The following PCDH15 variants were observed in gnomAD, a reference collection of about 807,000 sequenced individuals.
PCDH15 encodes the protein protocadherin related 15, also known as protocadherin-15.
PCDH15 carries 129 observed loss-of-function variants against 178.5 expected under a neutral mutation model. The ratio of observed to expected loss-of-function variants is 0.72; its 90% CI spans 0.63 to 0.84. The LOEUF is 0.84. Ranked by LOEUF, PCDH15 falls within the 40% of genes least tolerant of loss-of-function variation. The probability of loss-of-function intolerance (pLI) is 0.00; values close to 1 mark genes in which losing one functional copy is unlikely to be tolerated. For missense variants in PCDH15, 2,230 were observed against 2,099.9 expected, an observed-to-expected ratio of 1.06 and a Z score of -1.21; for synonymous variants, 800 against 732.0, an observed-to-expected ratio of 1.09 and a Z score of -1.50.
intron 2 of PCDH15, among the ~76,000 whole-genome samples, chr10:54,603,046 T>G (rs146614860): frequency 0.011 from 1,616 of 152,146 alleles, 22 homozygotes; most frequent in African/African-American, 0.037. Context: ...CTTTGAATGT[T>G]TGCTGGAATT....
intron 1 of PCDH15, among the ~76,000 whole-genome samples, chr10:55,199,301 G>C (rs1009245211): frequency 1.4e-4 from 21 of 152,230 alleles, no homozygotes; most frequent in Admixed American, 1.4e-3. Context: ...CTTTAGCAAA[G>C]AGATTGGTGG....
chr10:53,996,121 T>A (rs927162240), intron 20 of PCDH15, among the ~76,000 whole-genome samples: 1 of 152,164 alleles, frequency 6.6e-6, no homozygotes, highest in Non-Finnish European at 1.5e-5. Context: ...AAAAGCTACA[T>A]TCTGTGAAGC....
At chr10:55,338,796 A>C (rs893390579) in intron 2 of PCDH15, among the ~76,000 whole-genome samples, 11 of 152,118 alleles carry the variant, frequency 7.2e-5, no homozygotes, top group Admixed American at 6.6e-4. Flanking sequence ...ACAAAACAAA[A>C]AAACAAACAA....
In PCDH15 at chr10:55,330,838, A is replaced by ATGTGTGTGTG. The variant is rs71461291; in HGVS notation, c.-155-164197_-155-164188dup. On this transcript the variant is annotated intron_variant, in intron 2 of 5. Transcript: ENST00000613346. ...CTCTCTTAAATAGATAGATTTATTTATGTGTGTGTGTGTGTGTGTGTGTGT... is the reference window on the plus strand; with the variant it reads ...CTCTCTTAAATAGATAGATTTATTTATGTGTGTGTGTGTGTGTGTGTGTGTGTGTGTGTGT... Among the ~76,000 whole-genome samples the ATGTGTGTGTG allele has an allele frequency of 5.9e-3, 850 of 144,690 alleles. 6 individuals carry two copies. The highest frequency in any genetic ancestry group is 0.02 in the African/African-American group (799 of 39,708). The allele number at this position is 144,690 out of a possible 152,430, so 94.9% of individuals were successfully genotyped here.
At chr10:55,411,969 A>G (rs1021962787) in intron 2 of PCDH15, among the ~76,000 whole-genome samples, 1 of 152,100 alleles carries the variant, frequency 6.6e-6, no homozygotes, top group Non-Finnish European at 1.5e-5. Flanking sequence ...GTGAAATCCC[A>G]GTGGGAATGA....
At chr10:54,265,269 A>T (rs1226993726) in intron 8 of PCDH15, among the ~76,000 whole-genome samples, 5 of 152,126 alleles carry the variant, frequency 3.3e-5, no homozygotes, top group Non-Finnish European at 5.9e-5. Context: ...GGAGTTCTAA[A>T]TGTGGATGTG....
chr10:54,240,691 GC>G (rs1195202894), intron 8 of PCDH15, among the ~76,000 whole-genome samples: 2 of 143,044 alleles, frequency 1.4e-5, no homozygotes, highest in Non-Finnish European at 3.0e-5. Context: ...GAGTGCAGTG[GC>G]GCGATCCCGG....
intron 2 of PCDH15, among the ~76,000 whole-genome samples, chr10:54,953,302 G>C (rs1007701580): frequency 1.3e-5 from 2 of 151,250 alleles, no homozygotes; most frequent in African/African-American, 2.4e-5. Flanking sequence ...TTCTATAGCT[G>C]TTGATGTGAT....
intron 2 of PCDH15, among the ~76,000 whole-genome samples, chr10:54,980,608 T>C (rs1839207487): frequency 6.6e-6 from 1 of 152,132 alleles, no homozygotes; most frequent in Non-Finnish European, 1.5e-5. Flanking sequence ...TATGTGGTAG[T>C]ATATTGATAC....
At chr10:54,231,278 G>A (rs1212332993) in intron 9 of PCDH15, among the ~76,000 whole-genome samples, 1 of 152,214 alleles carries the variant, frequency 6.6e-6, no homozygotes, top group Non-Finnish European at 1.5e-5. Context: ...ATATGCCTCA[G>A]GCCTCTGCTT....
At chr10:54,249,275 AT>A (rs1301629308) in intron 8 of PCDH15, among the ~76,000 whole-genome samples, 1 of 152,066 alleles carries the variant, frequency 6.6e-6, no homozygotes, top group Admixed American at 6.6e-5. Flanking sequence ...TCAAAAACCT[AT>A]TTTTGCAATA....
At chr10:55,105,164 T>A (rs957836681) in intron 2 of PCDH15, among the ~76,000 whole-genome samples, 2 of 152,236 alleles carry the variant, frequency 1.3e-5, no homozygotes, top group Admixed American at 1.3e-4. Flanking sequence ...TAACTTTTTA[T>A]AATAGATTTG....
intron 18 of PCDH15, among the ~76,000 whole-genome samples, chr10:54,029,688 T>C (rs2093233286): frequency 1.3e-5 from 2 of 152,212 alleles, no homozygotes; most frequent in East Asian, 3.8e-4. Flanking sequence ...GTATAATTTT[T>C]GAGAAGCGAT....
At chr10:55,108,264 T>C (rs1837407401) in intron 2 of PCDH15, among the ~76,000 whole-genome samples, 3 of 152,184 alleles carry the variant, frequency 2.0e-5, no homozygotes. Flanking sequence ...AGAGAACTTC[T>C]GAATAAATTA....
chr10:54,414,363 G>A (rs1954009563), intron 3 of PCDH15, among the ~76,000 whole-genome samples: 1 of 151,952 alleles, frequency 6.6e-6, no homozygotes, highest in Admixed American at 6.6e-5. Flanking sequence ...TTTGGACCTG[G>A]CATGTTTACA....
chr10:54,587,167 G>GTC lies in PCDH15; in HGVS notation c.92-59292_92-59291dup, dbSNP rs2091533112. On this transcript the variant is annotated intron_variant, in intron 2 of 37. Coordinates refer to ENST00000644397, the MANE Select transcript of PCDH15 (RefSeq NM_001384140.1). ...GACCATTGGCATCATCTTTTTAAAT[G>GTC]TCTGTCAGTGATTGATCACTACACA... is the stretch of plus-strand genomic sequence containing the variant. 2.0e-5 allele frequency among the ~76,000 whole-genome samples: 3 copies of GTC among 152,136 alleles called. No homozygotes were observed. In the South Asian group the frequency reaches 6.2e-4, roughly 32 times the overall value.
intron 1 of PCDH15, among the ~76,000 whole-genome samples, chr10:55,178,289 TC>T (rs1438809709): frequency 6.6e-6 from 1 of 152,114 alleles, no homozygotes; most frequent in Non-Finnish European, 1.5e-5. Flanking sequence ...TCCACAGATA[TC>T]TGATCCACTT....
chr10:55,034,058 C>T, intron 2 of PCDH15, among the ~76,000 whole-genome samples: 1 of 147,578 alleles, frequency 6.8e-6, no homozygotes, highest in African/African-American at 2.5e-5. Flanking sequence ...TTGGACTTCC[C>T]AACCTTTAGA....
At chr10:54,635,335 T>C (rs1405429559) in intron 2 of PCDH15, among the ~76,000 whole-genome samples, 1 of 151,632 alleles carries the variant, frequency 6.6e-6, no homozygotes, top group Admixed American at 6.6e-5. Context: ...AAGAGCTCCA[T>C]GTAAAAATGG....
Sources: allele counts gnomAD v4.1 joint callset (sites outside exome capture counted in the v4.1 genomes callset), GRCh38; gene constraint gnomAD v4.1.1; transcripts MANE v1.5; gene names NCBI Gene and HGNC (gene_info 2026-07-23, HGNC 2026-07-21).